Variants in KCNAB1 observed in about 807,000 individuals in gnomAD.
The protein encoded by KCNAB1 is potassium voltage-gated channel subfamily A regulatory beta subunit 1.
Under a neutral mutation model 64.6 loss-of-function variants are expected in KCNAB1, and 35 were observed. The ratio of observed to expected loss-of-function variants is 0.54; its 90% CI spans 0.41 to 0.72. The LOEUF (loss-of-function observed/expected upper bound fraction) is 0.72, where lower values mean the gene tolerates loss of function less well. Ranked by LOEUF, KCNAB1 falls within the 30% of genes least tolerant of loss-of-function variation. The pLI is 0.00. For synonymous variants in KCNAB1, 177 were observed against 183.8 expected (o/e 0.96, Z 0.30); for missense variants, 401 against 512.9 (o/e 0.78, Z 2.11).
intron 1 of KCNAB1, among the ~76,000 whole-genome samples, chr3:156,359,806 A>G (rs1044023621): frequency 2.0e-5 from 3 of 152,232 alleles, no homozygotes; most frequent in African/African-American, 7.2e-5. Context: ...AGTTGCAATG[A>G]GCTTTCTATA....
intron 1 of KCNAB1, among the ~76,000 whole-genome samples, chr3:156,296,301 G>T (rs748847327): frequency 1.3e-5 from 2 of 152,124 alleles, no homozygotes; most frequent in Non-Finnish European, 2.9e-5. Context: ...ACCAGTGTTT[G>T]ACATGGTCTC....
intron 1 of KCNAB1, among the ~76,000 whole-genome samples, chr3:156,224,689 A>T (rs1192918530): frequency 2.6e-5 from 4 of 152,238 alleles, no homozygotes; most frequent in Admixed American, 6.5e-5. Context: ...AGAGAGATTA[A>T]CCGAGAAGAG....
intron 8 of KCNAB1, among the ~76,000 whole-genome samples, chr3:156,481,339 A>C (rs1466651190): frequency 2.0e-5 from 3 of 151,720 alleles, no homozygotes; most frequent in Non-Finnish European, 4.4e-5. Flanking sequence ...AGCCCGGGAC[A>C]GTTGAGTTTT....
intron 1 of KCNAB1, among the ~76,000 whole-genome samples, chr3:156,378,517 C>T (rs755170718): frequency 1.6e-4 from 24 of 152,078 alleles, no homozygotes; most frequent in Non-Finnish European, 3.2e-4. Flanking sequence ...CAGTTCACAC[C>T]CTTCCTTCTT....
chr3:156,341,424 C>T (rs984239426), intron 1 of KCNAB1, among the ~76,000 whole-genome samples: 1 of 152,206 alleles, frequency 6.6e-6, no homozygotes, highest in Non-Finnish European at 1.5e-5. Context: ...ACTATCAATG[C>T]CCTAAATTCC....
intron 1 of KCNAB1, among the ~76,000 whole-genome samples, chr3:156,179,732 G>C (rs1297548334): frequency 6.6e-6 from 1 of 152,172 alleles, no homozygotes; most frequent in African/African-American, 2.4e-5. Flanking sequence ...TGTCAATGCT[G>C]TTGCTCAAAA....
chr3:156,493,654 A>C (rs778474861), intron 8 of KCNAB1, among the ~76,000 whole-genome samples: 4 of 152,134 alleles, frequency 2.6e-5, no homozygotes, highest in Non-Finnish European at 5.9e-5. Flanking sequence ...TTTTCTGGCC[A>C]AGATCACACG....
In KCNAB1 at chr3:156,452,954, T is replaced by C. The variant is rs1490829822; in HGVS notation, c.357+18T>C. ...CAGATGAGGTAAGTTACCTTTGGCC[T>C]CTATTATGCTAATGAAAGAAAATGC... On this transcript the variant is annotated intron_variant, in intron 3 of 13. Coordinates refer to ENST00000490337, the MANE Select transcript of KCNAB1 (RefSeq NM_172160.3). The surrounding 1 kb of genome is among the most constrained non-coding windows in gnomAD (Gnocchi z 4.6). The C allele has an allele frequency of 4.4e-6, 7 of 1,578,860 alleles. No homozygotes were observed. The highest frequency in any genetic ancestry group is 6.1e-6 in the Non-Finnish European group (7 of 1,153,774).
chr3:156,398,585 C>G (rs917779151), intron 1 of KCNAB1, among the ~76,000 whole-genome samples: 2 of 121,724 alleles, frequency 1.6e-5, no homozygotes, highest in African/African-American at 7.9e-5. Context: ...AGCGAGACTC[C>G]GTCTCAAAAA....
At chr3:156,195,147 G>T (rs1713834097) in intron 1 of KCNAB1, among the ~76,000 whole-genome samples, 1 of 152,116 alleles carries the variant, frequency 6.6e-6, no homozygotes, top group South Asian at 2.1e-4. Flanking sequence ...AGTATTCCAT[G>T]GTGTATATGT....
intron 1 of KCNAB1, among the ~76,000 whole-genome samples, chr3:156,136,385 C>A (rs1714349671): frequency 6.6e-6 from 1 of 152,168 alleles, no homozygotes; most frequent in South Asian, 2.1e-4. Flanking sequence ...AAGATTTGAA[C>A]CCAAGCCTTC....
chr3:156,302,921 A>G (rs919707154), intron 1 of KCNAB1, among the ~76,000 whole-genome samples: 1 of 152,204 alleles, frequency 6.6e-6, no homozygotes, highest in Non-Finnish European at 1.5e-5. Context: ...TCTTTCTAGC[A>G]CTTGGGATCA....
chr3:156,312,727 A>AAAAAAAAAAAAAAC, intron 1 of KCNAB1, among the ~76,000 whole-genome samples: 2 of 150,932 alleles, frequency 1.3e-5, no homozygotes. Context: ...AAAAAAAAAA[A>AAAAAAAAAAAAAAC]AAAACTCATA....
intron 8 of KCNAB1, among the ~76,000 whole-genome samples, chr3:156,479,941 T>G (rs1479887307): frequency 6.6e-6 from 1 of 152,136 alleles, no homozygotes; most frequent in Non-Finnish European, 1.5e-5. Flanking sequence ...TTTAGTGTTG[T>G]CATGTGAAAG....
At chr3:156,357,365 G>T (rs964933653) in intron 1 of KCNAB1, among the ~76,000 whole-genome samples, 3 of 152,142 alleles carry the variant, frequency 2.0e-5, no homozygotes, top group Non-Finnish European at 4.4e-5. Flanking sequence ...TTTTTGAGCT[G>T]TAAGAGAAAA....
chr3:156,208,007 C>A (rs971284457), intron 1 of KCNAB1, among the ~76,000 whole-genome samples: 1 of 152,062 alleles, frequency 6.6e-6, no homozygotes, highest in Non-Finnish European at 1.5e-5. Context: ...TAATACAGAC[C>A]AAGAGTGGTG....
In KCNAB1 at chr3:156,171,189, A is replaced by G. The variant is rs1017903300; in HGVS notation, c.275+50303A>G. Among the ~76,000 whole-genome samples, 134 of 148,334 alleles carry G rather than the reference A, an allele frequency of 9.0e-4. 1 individual carries two copies. The highest frequency in any genetic ancestry group is 3.5e-3 in the Middle Eastern group (1 of 288). On this transcript the variant is annotated intron_variant, in intron 1 of 13. Coordinates refer to ENST00000490337, the MANE Select transcript of KCNAB1 (RefSeq NM_172160.3). ...CGGCTTATAGTTAGAAACTTCACGC[A>G]CACATACACACACACACACACACAC...
intron 12 of KCNAB1, 55 bp from the exon 13 acceptor site, chr3:156,531,354 C>A: frequency 7.8e-7 from 1 of 1,282,706 alleles, no homozygotes; most frequent in Non-Finnish European, 1.1e-6. Context: ...TGTTTATAAG[C>A]TAATCAACGA....
At position 156,192,172 on chromosome 3, in the gene KCNAB1, C is replaced by T. The variant is rs147980290; in HGVS notation, c.275+71286C>T. Among the ~76,000 whole-genome samples, 331 of 152,276 alleles carry T rather than the reference C, an allele frequency of 2.2e-3. 2 individuals are homozygous for T. The highest frequency in any genetic ancestry group is 7.7e-3 in the African/African-American group (319 of 41,564). On this transcript the variant is annotated intron_variant, in intron 1 of 13. Transcript: ENST00000490337. ...TCAGCTTAATAATTTTGAGACTCAT[C>T]CATGTTGTCGCCTGTAGCATGAGTT... is the stretch of plus-strand genomic sequence containing the variant.
Sources: allele counts gnomAD v4.1 joint callset (sites outside exome capture counted in the v4.1 genomes callset), GRCh38; gene constraint gnomAD v4.1.1; non-coding constraint Gnocchi (gnomAD v3.1); transcripts MANE v1.5; gene names NCBI Gene and HGNC (gene_info 2026-07-23, HGNC 2026-07-21).